Variants in ARHGEF19 observed in about 807,000 individuals in gnomAD.
ARHGEF19 encodes the protein Rho guanine nucleotide exchange factor 19, also known as Rho guanine nucleotide exchange factor (GEF) 19.
Under a neutral mutation model 87.6 loss-of-function variants are expected in ARHGEF19, and 92 were observed. That is an observed-to-expected ratio of 1.05 (90% CI 0.89 to 1.25). ARHGEF19 has a LOEUF of 1.25. Ranked by LOEUF, ARHGEF19 falls within the 50% of genes most tolerant of loss-of-function variation. ARHGEF19 has a pLI of 0.00. For synonymous variants in ARHGEF19, 438 were observed against 446.2 expected, an observed-to-expected ratio of 0.98 and a Z score of 0.23; for missense variants, 1,054 against 1,051.8, an observed-to-expected ratio of 1.00 and a Z score of -0.03.
At position 16,205,926 on chromosome 1, in the gene ARHGEF19, C is replaced by T. The variant is rs1245035324; in HGVS notation, c.1451+5G>A. The stretch of plus-strand genomic sequence containing the variant: ...CCCCGCCCCTTTCAGAGCCCCCAGC[C>T]CTACAGCAGGCGCTGGTAGGTGCGC... On this transcript the variant is annotated splice_donor_5th_base_variant and intron_variant, in intron 8 of 15. Coordinates refer to ENST00000270747, the MANE Select transcript of ARHGEF19 (RefSeq NM_153213.5). The surrounding 1 kb of genome is among the most constrained non-coding windows in gnomAD (Gnocchi z 5.8). 2.5e-6 allele frequency: 4 copies of T among 1,603,626 alleles called. No individual in the cohort carries two copies. The highest frequency in any genetic ancestry group is 3.4e-6 in the Non-Finnish European group (4 of 1,175,302).
At position 16,207,303 on chromosome 1, in the gene ARHGEF19, C is replaced by G. The variant is rs2081149235; in HGVS notation, c.875-93G>C. The G allele has an allele frequency of 2.8e-6, 4 of 1,437,200 alleles. No homozygotes were observed. The highest frequency in any genetic ancestry group is 1.8e-6 in the Non-Finnish European group (2 of 1,096,174). 89.0% of individuals were successfully genotyped at this position (1,437,200 alleles called of 1,614,324 possible). On this transcript the variant is annotated intron_variant, in intron 5 of 15. Coordinates refer to ENST00000270747, the MANE Select transcript of ARHGEF19 (RefSeq NM_153213.5). The surrounding 1 kb of genome is among the most constrained non-coding windows in gnomAD (Gnocchi z 4.0). Reference sequence around the variant, plus strand: ...CCCTCAAGAGCCCGCGTCACTTAACCTTTGCCGCGGTTCGGATATCTGGAC... The same window carrying G: ...CCCTCAAGAGCCCGCGTCACTTAACGTTTGCCGCGGTTCGGATATCTGGAC...
chr1:16,201,240 C>T (rs2081081157), intron 14 of ARHGEF19, among the ~76,000 whole-genome samples: 1 of 152,158 alleles, frequency 6.6e-6, no homozygotes, highest in African/African-American at 2.4e-5. Context: ...CCCAAACAAA[C>T]CTTCAATAGC....
At chr1:16,201,926 A>G in intron 13 of ARHGEF19, 65 bp from the exon 14 acceptor site, 1 of 1,544,474 alleles carries the variant, frequency 6.5e-7, no homozygotes, top group South Asian at 1.2e-5. Context: ...CAGGGTGCTG[A>G]AACCAAGGCT....
intron 1 of ARHGEF19, among the ~76,000 whole-genome samples, chr1:16,210,735 G>A (rs2081190403): frequency 6.6e-6 from 1 of 152,244 alleles, no homozygotes; most frequent in Non-Finnish European, 1.5e-5. Context: ...CATCAGAGGA[G>A]GGTGCTCGGC....
In ARHGEF19 at chr1:16,207,918, TCAGGGCCCATGGGAGG is replaced by T. The variant is rs754769548; in HGVS notation, c.694+10_694+25del. 2.7e-6 allele frequency: 3 copies of T among 1,121,964 alleles called. No homozygotes were observed. The highest frequency in any genetic ancestry group is 3.7e-6 in the Non-Finnish European group (3 of 805,708). 69.5% of individuals were successfully genotyped at this position (1,121,964 alleles called of 1,614,324 possible). On this transcript the variant is annotated intron_variant, in intron 3 of 15. Transcript: ENST00000270747. This position sits in a 1 kb window ranked among gnomAD's most constrained non-coding sequence, Gnocchi z 4.0. ...ACCCCCACCCGGCATCTGGCTGCCC[TCAGGGCCCATGGGAGG>T]AGCTGGTACCTTCCCGGGCTGCTCC...
Position 16,207,801 on chromosome 1 carries a change from T to C in ARHGEF19, c.695-24A>G. On this transcript the variant is annotated intron_variant, in intron 3 of 15. Coordinates refer to ENST00000270747, the MANE Select transcript of ARHGEF19 (RefSeq NM_153213.5). The surrounding 1 kb of genome is among the most constrained non-coding windows in gnomAD (Gnocchi z 4.0). ...CCCTGGAGAGGGCGAGAACTGAGGG[T>C]GGGGGGTCCAGAGAGTGGGCCTGGG... 6.2e-7 allele frequency: 1 copy of C among 1,611,772 alleles called. No individual in the cohort carries two copies. Among genetic ancestry groups the C allele is most frequent in the Non-Finnish European group, 8.5e-7 (1 of 1,179,574 alleles).
Position 16,206,811 on chromosome 1 carries a change from C to T in ARHGEF19, c.1137+137G>A. On this transcript the variant is annotated intron_variant, in intron 6 of 15. Coordinates refer to ENST00000270747, the MANE Select transcript of ARHGEF19 (RefSeq NM_153213.5). This position sits in a 1 kb window ranked among gnomAD's most constrained non-coding sequence, Gnocchi z 4.6. ...GCCTCGTGTAGTCAGGTCCTAGAGC[C>T]AACCTTCCGCGCGGACAGTCGCGCC... The T allele has an allele frequency of 1.7e-6, 2 of 1,177,880 alleles. No individual in the cohort carries two copies. The highest frequency in any genetic ancestry group is 3.1e-5 in the East Asian group (1 of 32,708). 73.0% of individuals were successfully genotyped at this position (1,177,880 alleles called of 1,614,324 possible). A position where few individuals can be genotyped will look rare whatever the true frequency, so the allele number is the denominator to read the frequency against.
At chr1:16,199,964 G>A (rs1290189548) in intron 14 of ARHGEF19, among the ~76,000 whole-genome samples, 5 of 152,116 alleles carry the variant, frequency 3.3e-5, no homozygotes, top group Non-Finnish European at 7.3e-5. Flanking sequence ...CTTTGTGCTG[G>A]CTCTTCCTTC....
At position 16,205,191 on chromosome 1, in the gene ARHGEF19, G is replaced by C. The variant is rs1473513289; in HGVS notation, c.1657-15C>G. 2 of 1,593,890 alleles carry C rather than the reference G, an allele frequency of 1.3e-6. No individual in the cohort carries two copies. Among genetic ancestry groups the C allele is most frequent in the Non-Finnish European group, 1.7e-6 (2 of 1,170,182 alleles). On this transcript the variant is annotated splice_polypyrimidine_tract_variant and intron_variant, in intron 10 of 15. Transcript: ENST00000270747. This position sits in a 1 kb window ranked among gnomAD's most constrained non-coding sequence, Gnocchi z 5.8. Reference sequence around the variant, plus strand: ...TCCTGCACCAGCTGGGGGAGCCGTGGGGAGGTCACCTGCAGCCCCTCAGCT... The same window carrying C: ...TCCTGCACCAGCTGGGGGAGCCGTGCGGAGGTCACCTGCAGCCCCTCAGCT...
chr1:16,198,695 G>T lies in ARHGEF19; in HGVS notation c.2301C>A (p.Pro767=). Residue 767 remains proline (P), a synonymous_variant, in exon 16 of 16, where the codon CCC becomes CCA. Transcript: ENST00000270747. The surrounding 1 kb of genome is among the most constrained non-coding windows in gnomAD (Gnocchi z 4.1). ...RLADGEKGWV[P]QAYVEEISSL... ...TGCTGATCTCTTCCACATAGGCCTG[G>T]GGCACCCACCCCTTCTCACCATCTG... is the stretch of plus-strand genomic sequence containing the variant. 1 of 1,612,968 alleles carries T rather than the reference G, an allele frequency of 6.2e-7. No homozygotes were observed. The highest frequency in any genetic ancestry group is 8.5e-7 in the Non-Finnish European group (1 of 1,179,262).
chr1:16,205,169 T>C lies in ARHGEF19; in HGVS notation c.1664A>G (p.Gln555Arg). The C allele has an allele frequency of 6.3e-7, 1 of 1,597,802 alleles. No homozygotes were observed. ...KAFNALKELV[Q>R]ECNASVQSMK... ...GGACTGTACACTAGCATTGCACTCCTGCACCAGCTGGGGGAGCCGTGGGGA... is the reference window on the plus strand; with the variant it reads ...GGACTGTACACTAGCATTGCACTCCCGCACCAGCTGGGGGAGCCGTGGGGA... The change falls in exon 11 of 16, where the codon CAG (glutamine) becomes CGG (arginine). Residue 555 changes from glutamine to arginine, a missense_variant. By Grantham distance (43) the Gln-to-Arg change is conservative. Transcript: ENST00000270747. This position sits in a 1 kb window ranked among gnomAD's most constrained non-coding sequence, Gnocchi z 5.8.
chr1:16,203,225 C>A (rs550568432), intron 12 of ARHGEF19, among the ~76,000 whole-genome samples: 1 of 129,152 alleles, frequency 7.7e-6, no homozygotes, highest in African/African-American at 2.5e-5. Flanking sequence ...CAACAAAACT[C>A]GGCATCAGAA....
intron 14 of ARHGEF19, 78 bp from the exon 15 acceptor site, chr1:16,199,332 C>A: frequency 1.6e-6 from 2 of 1,222,312 alleles, no homozygotes; most frequent in Non-Finnish European, 2.4e-6. Context: ...CAGGGAGGGG[C>A]AGTAGGAGGA....
In ARHGEF19 at chr1:16,202,472, G is replaced by C; in HGVS notation, c.2010C>G (p.Leu670=). Residue 670 remains leucine, a synonymous_variant, in exon 13 of 16, where the codon CTC becomes CTG. Transcript: ENST00000270747. ...TCATGTGCTGCCCGTGGAGGAGCTG[G>C]AGGAGGAACACGTGGCCGGGGATGC... ...LQGIPGHVFL[L]QLLHGQHMKH... 1 of 1,614,218 alleles carries C rather than the reference G, an allele frequency of 6.2e-7. No homozygotes were observed. The highest frequency in any genetic ancestry group is 8.5e-7 in the Non-Finnish European group (1 of 1,180,044).
At position 16,206,143 on chromosome 1, in the gene ARHGEF19, C is replaced by A; in HGVS notation, c.1298+37G>T. On this transcript the variant is annotated intron_variant, in intron 7 of 15. Transcript: ENST00000270747. This position sits in a 1 kb window ranked among gnomAD's most constrained non-coding sequence, Gnocchi z 4.6. ...CTGGGAGCTGGCCAACCACTGGCTC[C>A]GTCCCCACCCCGGGCCAGGCCAGAC... 1 of 1,582,294 alleles carries A rather than the reference C, an allele frequency of 6.3e-7. No homozygotes were observed. The highest frequency in any genetic ancestry group is 2.3e-5 in the East Asian group (1 of 43,896).
rs1438744364 is a variant in ARHGEF19, at chr1:16,206,312, G to A, written c.1166C>T (p.Ala389Val). The change falls in exon 7 of 16, where the codon GCC (alanine) becomes GTC (valine). Residue 389 changes from alanine to valine, a missense_variant. Ala to Val is a moderately conservative substitution (Grantham distance 64, BLOSUM62 0). Coordinates refer to ENST00000270747, the MANE Select transcript of ARHGEF19 (RefSeq NM_153213.5). This position sits in a 1 kb window ranked among gnomAD's most constrained non-coding sequence, Gnocchi z 4.6. ...CACCGACAGGCTGTGGATGTAGGAG[G>A]CCTCGGAGGTGATCAGCTCAAACTT... Reference protein sequence around the residue: ...EAKFELITSEASYIHSLSVAV... With the variant: ...EAKFELITSEVSYIHSLSVAV... 2 of 1,580,150 alleles carry A rather than the reference G, an allele frequency of 1.3e-6. No homozygotes were observed. Among genetic ancestry groups the A allele is most frequent in the East Asian group, 2.3e-5 (1 of 43,798 alleles).
chr1:16,211,349 G>A (rs1165359428), intron 1 of ARHGEF19, among the ~76,000 whole-genome samples: 1 of 152,186 alleles, frequency 6.6e-6, no homozygotes, highest in Non-Finnish European at 1.5e-5. Flanking sequence ...GGGCACACAT[G>A]TGCAGGCATG....
Position 16,207,395 on chromosome 1 carries a change from C to G in ARHGEF19, c.874+127G>C. On this transcript the variant is annotated intron_variant, in intron 5 of 15. Transcript: ENST00000270747. The surrounding 1 kb of genome is among the most constrained non-coding windows in gnomAD (Gnocchi z 4.0). ...TTGAGCACCTACTGAGTGCTAGATA[C>G]CGACAGTTCCATTCTCCGTTTCTCA... is the stretch of plus-strand genomic sequence containing the variant. 7.4e-7 allele frequency: 1 copy of G among 1,359,646 alleles called. No individual in the cohort carries two copies. Among genetic ancestry groups the G allele is most frequent in the Non-Finnish European group, 1.0e-6 (1 of 996,348 alleles). The allele number at this position is 1,359,646 out of a possible 1,614,324, so 84.2% of individuals were successfully genotyped here. A position where few individuals can be genotyped will look rare whatever the true frequency, so the allele number is the denominator to read the frequency against.
chr1:16,202,056 G>A (rs1193100873), intron 13 of ARHGEF19, among the ~76,000 whole-genome samples, 195 bp from the exon 14 acceptor site: 1 of 145,156 alleles, frequency 6.9e-6, no homozygotes, highest in Non-Finnish European at 1.5e-5. Context: ...ACCCAGCTCT[G>A]AGCATAACAG....
Sources: gnomAD v4.1 joint callset for allele counts (sites outside exome capture counted in the v4.1 genomes callset) on GRCh38, gnomAD v4.1.1 for gene constraint, Gnocchi (gnomAD v3.1) non-coding constraint, MANE v1.5 for transcripts, NCBI Gene and HGNC (gene_info 2026-07-23, HGNC 2026-07-21) for gene names.